Variants in HPSE2 observed in about 807,000 individuals in gnomAD.
HPSE2 encodes heparanase 2 (inactive), also known as inactive heparanase-2.
Under a neutral mutation model 60.5 loss-of-function variants are expected in HPSE2, and 38 were observed. That is an observed-to-expected ratio of 0.63 (90% CI 0.48 to 0.82). The LOEUF (loss-of-function observed/expected upper bound fraction) is 0.82. Among genes scored for constraint, HPSE2 ranks in the 40% least tolerant of loss-of-function variants. The pLI is 0.00. For synonymous variants in HPSE2, 295 were observed against 293.2 expected, an observed-to-expected ratio of 1.01 and a Z score of -0.06; for missense variants, 713 against 740.4, an observed-to-expected ratio of 0.96 and a Z score of 0.43.
chr10:98,932,407 C>G (rs1289481703), intron 3 of HPSE2, among the ~76,000 whole-genome samples: 1 of 144,068 alleles, frequency 6.9e-6, no homozygotes, highest in Non-Finnish European at 1.5e-5. Flanking sequence ...AGATGTTCAT[C>G]AAGGATATTG....
chr10:99,271,682 A>G, the HPSE2 span, among the ~76,000 whole-genome samples: 2 of 152,222 alleles, frequency 1.3e-5, no homozygotes, highest in African/African-American at 4.8e-5. Flanking sequence ...GAGACCACAT[A>G]GCCAAAGCAA....
chr10:99,093,905 T>C (rs1843606560), intron 3 of HPSE2, among the ~76,000 whole-genome samples: 3 of 152,242 alleles, frequency 2.0e-5, no homozygotes, highest in Non-Finnish European at 4.4e-5. Flanking sequence ...CTTATATTTC[T>C]CTCTTGAATT....
intron 3 of HPSE2, among the ~76,000 whole-genome samples, chr10:98,821,213 C>T (rs1951415579): frequency 6.6e-6 from 1 of 152,146 alleles, no homozygotes; most frequent in African/African-American, 2.4e-5. Context: ...TACGGGAATA[C>T]ATTCTGAGAA....
intron 3 of HPSE2, among the ~76,000 whole-genome samples, chr10:98,810,739 T>C (rs1482721952): frequency 6.6e-6 from 1 of 151,652 alleles, no homozygotes; most frequent in Non-Finnish European, 1.5e-5. Flanking sequence ...ATGCTAACAA[T>C]AATGACAGTT....
the HPSE2 span, among the ~76,000 whole-genome samples, chr10:99,251,951 A>T: frequency 6.6e-6 from 1 of 151,654 alleles, no homozygotes; most frequent in Non-Finnish European, 1.5e-5. Flanking sequence ...AGGTAGGAGA[A>T]CTGCTTAAGC....
chr10:99,195,472 C>G (rs1848364017), intron 2 of HPSE2, among the ~76,000 whole-genome samples: 1 of 151,334 alleles, frequency 6.6e-6, no homozygotes, highest in African/African-American at 2.4e-5. Context: ...ACAAAGACTC[C>G]ATTAAAAAAA....
In HPSE2 at chr10:98,888,308, C is replaced by T. The variant is rs117196738; in HGVS notation, c.611-144252G>A. 3.9e-4 allele frequency among the ~76,000 whole-genome samples: 59 copies of T among 152,116 alleles called. 1 individual carries two copies. The highest frequency in any genetic ancestry group is 8.2e-4 in the Non-Finnish European group (56 of 67,978). ...TACATTCTCAAACTTAAGAAAATTGCTTCAGAATTAGTCTTAGGGTCACTA... is the reference window on the plus strand; with the variant it reads ...TACATTCTCAAACTTAAGAAAATTGTTTCAGAATTAGTCTTAGGGTCACTA... On this transcript the variant is annotated intron_variant, in intron 3 of 11. Transcript: ENST00000370552.
chr10:99,033,778 G>A (rs1044389133), intron 3 of HPSE2, among the ~76,000 whole-genome samples: 18 of 150,610 alleles, frequency 1.2e-4, no homozygotes, highest in Admixed American at 4.0e-4. Context: ...CAGAGACTCC[G>A]TCTCAAAAAA....
chr10:98,650,876 T>C (rs1946895768), intron 6 of HPSE2, among the ~76,000 whole-genome samples: 1 of 152,200 alleles, frequency 6.6e-6, no homozygotes, highest in Non-Finnish European at 1.5e-5. Context: ...GACATTCTCA[T>C]TATTTGGTAT....
intron 3 of HPSE2, among the ~76,000 whole-genome samples, chr10:99,105,161 A>G (rs955300382): frequency 5.3e-5 from 8 of 151,784 alleles, no homozygotes; most frequent in African/African-American, 1.9e-4. Context: ...TTTTTCATCC[A>G]TGGCCTTTTT....
chr10:98,470,509 G>A (rs1458533915), intron 11 of HPSE2, among the ~76,000 whole-genome samples: 1 of 152,186 alleles, frequency 6.6e-6, no homozygotes, highest in East Asian at 1.9e-4. Flanking sequence ...ACCAATTCAG[G>A]GCCCAGGCCC....
chr10:99,307,313 T>C, the HPSE2 span, among the ~76,000 whole-genome samples: 292 of 152,296 alleles, frequency 1.9e-3, 2 homozygotes, highest in African/African-American at 6.9e-3. Flanking sequence ...TATTAAATCG[T>C]ATGTCTCAAT....
chr10:99,075,831 G>A (rs1356601738), intron 3 of HPSE2, among the ~76,000 whole-genome samples: 1 of 151,722 alleles, frequency 6.6e-6, no homozygotes, highest in South Asian at 2.1e-4. Context: ...GTCTTATATA[G>A]CCACTCTGCT....
intron 3 of HPSE2, among the ~76,000 whole-genome samples, chr10:98,820,359 A>C (rs750992803): frequency 6.6e-6 from 1 of 152,216 alleles, no homozygotes; most frequent in African/African-American, 2.4e-5. Context: ...CATTTGGGAT[A>C]CATGATATAA....
chr10:98,790,819 T>C (rs995769968), intron 3 of HPSE2, among the ~76,000 whole-genome samples: 3 of 152,194 alleles, frequency 2.0e-5, no homozygotes, highest in Non-Finnish European at 2.9e-5. Context: ...TAATGTGATA[T>C]AAAATTGAAT....
chr10:98,472,787 T>G (rs1166776842), intron 11 of HPSE2, among the ~76,000 whole-genome samples: 1 of 151,990 alleles, frequency 6.6e-6, no homozygotes, highest in African/African-American at 2.4e-5. Context: ...TATTTAACTA[T>G]ATAAAAGGGA....
intron 2 of HPSE2, among the ~76,000 whole-genome samples, chr10:99,221,678 G>A (rs796918137): frequency 5.3e-5 from 8 of 152,306 alleles, no homozygotes; most frequent in African/African-American, 1.9e-4. Flanking sequence ...GAATGTGGCA[G>A]AGGGATGATA....
intron 5 of HPSE2, among the ~76,000 whole-genome samples, chr10:98,719,368 A>C (rs146557053): frequency 6.6e-6 from 1 of 152,254 alleles, no homozygotes; most frequent in Non-Finnish European, 1.5e-5. Flanking sequence ...TAGCAGAAAA[A>C]TACAGTGCCA....
intron 6 of HPSE2, among the ~76,000 whole-genome samples, chr10:98,675,031 T>C (rs1001677549): frequency 6.6e-6 from 1 of 152,212 alleles, no homozygotes; most frequent in Non-Finnish European, 1.5e-5. Context: ...TTAATAATTA[T>C]AAAAAACGTA....
Sources: gnomAD v4.1 joint callset for allele counts (sites outside exome capture counted in the v4.1 genomes callset) on GRCh38, gnomAD v4.1.1 for gene constraint, MANE v1.5 for transcripts, NCBI Gene and HGNC (gene_info 2026-07-23, HGNC 2026-07-21) for gene names.